Variants in BTBD2 observed in about 807,000 individuals in gnomAD.
BTBD2 encodes the protein BTB domain containing 2, also known as BTB/POZ domain-containing protein 2.
Under a neutral mutation model 44.0 loss-of-function variants are expected in BTBD2, and 15 were observed. That is an observed-to-expected ratio of 0.34 (90% confidence interval 0.23 to 0.53). The LOEUF is 0.53. Ranked by LOEUF, BTBD2 falls within the 20% of genes least tolerant of loss-of-function variation. The probability of loss-of-function intolerance (pLI) is 0.95; values close to 1 mark genes in which losing one functional copy is unlikely to be tolerated. For missense variants in BTBD2, 657 were observed against 746.4 expected (o/e 0.88, Z 1.39); for synonymous variants, 443 against 335.9 (o/e 1.32, Z -3.49).
At chr19:2,001,723 G>A (rs1028516960) in intron 1 of BTBD2, among the ~76,000 whole-genome samples, 1 of 152,196 alleles carries the variant, frequency 6.6e-6, no homozygotes, top group African/African-American at 2.4e-5. Context: ...CTCTTCATCT[G>A]GCTGCAAGAT....
rs536128197 is a variant in BTBD2, at chr19:2,012,689, C to T, written c.407+2608G>A. Among the ~76,000 whole-genome samples, 6 of 152,318 alleles carry T rather than the reference C, an allele frequency of 3.9e-5. No individual in the cohort carries two copies. In the East Asian group the frequency reaches 1.2e-3, roughly 29 times the overall value. On this transcript the variant is annotated intron_variant, in intron 1 of 8. Transcript: ENST00000255608. ...CGCCCACCTTACCTTGCTGCTATCT[C>T]CCGCTGGGCCTCATTGCCCTCTCCT...
chr19:1,990,866 C>A (rs902228006), intron 3 of BTBD2, 44 bp from the exon 4 acceptor site: 2 of 1,501,132 alleles, frequency 1.3e-6, no homozygotes, highest in African/African-American at 1.4e-5. Flanking sequence ...GACATCAGCA[C>A]CCAGCCCTCG....
At chr19:1,998,982 G>C (rs1023793094) in intron 1 of BTBD2, among the ~76,000 whole-genome samples, 5 of 152,140 alleles carry the variant, frequency 3.3e-5, no homozygotes, top group Admixed American at 3.3e-4. Flanking sequence ...CGCCCGGAAA[G>C]CTCCGGAGCT....
intron 1 of BTBD2, among the ~76,000 whole-genome samples, chr19:2,002,278 G>A (rs952096393): frequency 3.3e-5 from 5 of 152,072 alleles, no homozygotes; most frequent in Admixed American, 6.6e-5. Context: ...ACGGGGTCTC[G>A]CTATGTTGCC....
At chr19:2,009,645 T>TTGAGA in intron 1 of BTBD2, among the ~76,000 whole-genome samples, 1 of 150,026 alleles carries the variant, frequency 6.7e-6, no homozygotes, top group East Asian at 2.0e-4. Flanking sequence ...GCTCAGGAGT[T>TTGAGA]CACCATCACC....
chr19:1,994,385 G>A (rs62129501), intron 2 of BTBD2, among the ~76,000 whole-genome samples: 2 of 152,024 alleles, frequency 1.3e-5, no homozygotes, highest in East Asian at 1.9e-4. Flanking sequence ...ATCCCAGCAC[G>A]TTGGGAGGCA....
intron 1 of BTBD2, among the ~76,000 whole-genome samples, chr19:2,004,275 T>C (rs530572498): frequency 1.9e-4 from 28 of 147,802 alleles, no homozygotes; most frequent in Non-Finnish European, 3.1e-4. Context: ...ATCCTTAATG[T>C]TGGCAAAACA....
chr19:2,011,031 C>CT lies in BTBD2; in HGVS notation c.407+4265dup, dbSNP rs140111516. ...TCCCACAGCCCCAGGACAGATGTGT[C>CT]TGAGTGACCTTGTTTCAATCATGGA... is the stretch of plus-strand genomic sequence containing the variant. On this transcript the variant is annotated intron_variant, in intron 1 of 8. Transcript: ENST00000255608. Among the ~76,000 whole-genome samples, 1,268 of 152,244 alleles carry CT rather than the reference C, an allele frequency of 8.3e-3. 12 individuals are homozygous for CT. Among genetic ancestry groups the CT allele is most frequent in the African/African-American group, 0.029 (1,194 of 41,544 alleles).
chr19:1,997,463 C>A lies in BTBD2; in HGVS notation c.408G>T (p.Arg136Ser). 2 of 1,614,022 alleles carry A rather than the reference C, an allele frequency of 1.2e-6. No homozygotes were observed. Among genetic ancestry groups the A allele is most frequent in the Non-Finnish European group, 1.7e-6 (2 of 1,180,000 alleles). ...GLSSQRIPAH[R>S]FVLAVGSAVF... is the part of the protein sequence containing the mutation. ...CGGCGCTGCCCACGGCCAGCACGAACCTGGTACGGGAGAGAGAAGGCCCTG... is the reference window on the plus strand; with the variant it reads ...CGGCGCTGCCCACGGCCAGCACGAAACTGGTACGGGAGAGAGAAGGCCCTG... Residue 136 changes from arginine (R) to serine (S), a missense_variant and splice_region_variant, in exon 2 of 9, where the codon AGG (arginine) becomes AGT (serine). This residue lies in a region of BTBD2 where 191 missense variants were observed against 188.5 expected (regional missense o/e 1.01). Transcript: ENST00000255608.
At chr19:1,989,121 C>T (rs572871536) in intron 5 of BTBD2, among the ~76,000 whole-genome samples, 8 of 152,262 alleles carry the variant, frequency 5.3e-5, no homozygotes, top group African/African-American at 9.6e-5. Flanking sequence ...TAGCCAGGCT[C>T]GGTGGCCCAT....
At chr19:2,000,280 G>GCCA (rs147989457) in intron 1 of BTBD2, among the ~76,000 whole-genome samples, 12,354 of 152,236 alleles carry the variant, frequency 0.081, 1,696 homozygotes, top group African/African-American at 0.28. Context: ...AGGGCCCTGC[G>GCCA]CCATCACCCA....
chr19:2,004,058 G>A (rs1479506760), intron 1 of BTBD2, among the ~76,000 whole-genome samples: 1 of 151,654 alleles, frequency 6.6e-6, no homozygotes, highest in Non-Finnish European at 1.5e-5. Flanking sequence ...AGGCTCATCA[G>A]AAACTCAATG....
rs1447756909 is a variant in BTBD2, at chr19:2,015,527, C to A, written c.177G>T (p.Pro59=). The A allele has an allele frequency of 7.3e-6, 7 of 958,986 alleles. No homozygotes were observed. The highest frequency in any genetic ancestry group is 8.5e-6 in the Non-Finnish European group (7 of 821,636). The allele number at this position is 958,986 out of a possible 1,614,324, so 59.4% of individuals were successfully genotyped here. ...CTGTCCCGGGGCCCGGCGGGGCGGG[C>A]GGCGTCGGCCCAGGGGCGGCGGCGG... The part of the protein sequence containing the change: ...AAAAAAPGPT[P]PAPPGPGTDA... Residue 59 remains proline (P), a synonymous_variant, in exon 1 of 9, where the codon CCG becomes CCT. Coordinates refer to ENST00000255608, the MANE Select transcript of BTBD2 (RefSeq NM_017797.4).
chr19:2,008,745 CCAT>C (rs2016426489), intron 1 of BTBD2, among the ~76,000 whole-genome samples: 1 of 151,738 alleles, frequency 6.6e-6, no homozygotes, highest in African/African-American at 2.4e-5. Flanking sequence ...GCACACACCA[CCAT>C]GTCCAAGTAA....
chr19:1,993,200 G>T (rs778496306), intron 2 of BTBD2, 24 bp from the exon 3 acceptor site: 1 of 1,581,968 alleles, frequency 6.3e-7, no homozygotes, highest in Non-Finnish European at 8.5e-7. Flanking sequence ...GCGGGTGGCC[G>T]TGAGGTGGGA....
At chr19:1,986,738 G>A (rs1313487342) in intron 8 of BTBD2, 89 bp from the exon 9 acceptor site, 4 of 1,578,366 alleles carry the variant, frequency 2.5e-6, no homozygotes, top group Non-Finnish European at 3.4e-6. Context: ...CTGGGCCAGG[G>A]TGGCTGCCTC....
rs546231000 is a variant in BTBD2, at chr19:2,006,560, C to T, written c.407+8737G>A. ...ACCCAACTTTATGTCCTTAGAAAGA[C>T]CAATCTCCTCAGTAAATTCCTTTAT... is the stretch of plus-strand genomic sequence containing the variant. On this transcript the variant is annotated intron_variant, in intron 1 of 8. Coordinates refer to ENST00000255608, the MANE Select transcript of BTBD2 (RefSeq NM_017797.4). Among the ~76,000 whole-genome samples, 3 of 151,890 alleles carry T rather than the reference C, an allele frequency of 2.0e-5. No individual in the cohort carries two copies. The South Asian group carries it at 6.2e-4, about 32-fold the overall frequency.
intron 8 of BTBD2, 60 bp downstream of exon 8, chr19:1,986,770 C>T (rs536178669): frequency 2.7e-5 from 42 of 1,570,786 alleles, no homozygotes; most frequent in Admixed American, 2.1e-4. Flanking sequence ...TGCTGTGCCC[C>T]GGTGGCTTCA....
chr19:1,988,772 C>G (rs1489545021), intron 5 of BTBD2, among the ~76,000 whole-genome samples: 2 of 151,978 alleles, frequency 1.3e-5, no homozygotes. Flanking sequence ...CCCAGCTAAT[C>G]TTGTATTTTT....
Sources: gnomAD v4.1 joint callset for allele counts (sites outside exome capture counted in the v4.1 genomes callset) on GRCh38, gnomAD v4.1.1 for gene constraint, gnomAD v4.1.1 regional missense constraint, MANE v1.5 for transcripts, NCBI Gene and HGNC (gene_info 2026-07-23, HGNC 2026-07-21) for gene names.